NAALADL2: variants seen among roughly 807,000 people sequenced by gnomAD.
The protein encoded by NAALADL2 is N-acetylated alpha-linked acidic dipeptidase like 2.
In NAALADL2, 76 loss-of-function variants were observed where a neutral mutation model predicts 87.2. The observed-to-expected ratio is 0.87, with a 90% CI of 0.72 to 1.05. The LOEUF is 1.05. Ranked by LOEUF, NAALADL2 falls within the 50% of genes least tolerant of loss-of-function variation. NAALADL2 has a pLI of 0.00. For missense variants in NAALADL2, 1,089 were observed against 945.8 expected (o/e 1.15, Z -1.99); for synonymous variants, 354 against 331.0 (o/e 1.07, Z -0.75).
intron 3 of NAALADL2, among the ~76,000 whole-genome samples, chr3:174,836,894 A>T (rs1348601199): frequency 6.6e-6 from 1 of 152,146 alleles, no homozygotes; most frequent in Non-Finnish European, 1.5e-5. Context: ...AGAAGAAAAT[A>T]GGGAAATATT....
intron 3 of NAALADL2, among the ~76,000 whole-genome samples, chr3:174,810,523 G>C (rs1553862179): frequency 6.6e-6 from 1 of 151,740 alleles, no homozygotes; most frequent in Non-Finnish European, 1.5e-5. Flanking sequence ...TAGGGCATTT[G>C]GTGGAAGAAA....
intron 1 of NAALADL2, among the ~76,000 whole-genome samples, chr3:175,047,622 ACT>A (rs1754844958): frequency 6.6e-6 from 1 of 152,176 alleles, no homozygotes; most frequent in African/African-American, 2.4e-5. Context: ...ATGTACCCAA[ACT>A]CACTCTAAAG....
At chr3:174,922,800 G>A (rs1475826531) in intron 1 of NAALADL2, among the ~76,000 whole-genome samples, 1 of 152,048 alleles carries the variant, frequency 6.6e-6, no homozygotes, top group African/African-American at 2.4e-5. Context: ...GATGCTTTGT[G>A]GTTAGTCCAT....
Position 175,423,052 on chromosome 3 carries a change from T to TATATATA in NAALADL2, c.1091-24177_1091-24176insATATATA, listed in dbSNP as rs1491115866. ...AAATATATATATATATATATATATA[T>TATATATA]TTTTTTTTTTTCCTGAGTTGTAGAA... On this transcript the variant is annotated intron_variant, in intron 5 of 13. Coordinates refer to ENST00000454872, the MANE Select transcript of NAALADL2 (RefSeq NM_207015.3). Among the ~76,000 whole-genome samples the TATATATA allele has an allele frequency of 2.1e-3, 202 of 98,414 alleles. 1 individual carries two copies. Among genetic ancestry groups the TATATATA allele is most frequent in the East Asian group, 0.011 (31 of 2,934 alleles). The allele number at this position is 98,414 out of a possible 152,430, so 64.6% of individuals were successfully genotyped here.
intron 2 of NAALADL2, among the ~76,000 whole-genome samples, chr3:174,622,575 T>C (rs1721113554): frequency 6.6e-6 from 1 of 152,154 alleles, no homozygotes; most frequent in Non-Finnish European, 1.5e-5. Flanking sequence ...ACCAGAAGCC[T>C]TACTGCTAGC....
At chr3:175,756,421 C>T (rs1047664269) in intron 13 of NAALADL2, among the ~76,000 whole-genome samples, 1 of 152,104 alleles carries the variant, frequency 6.6e-6, no homozygotes, top group East Asian at 1.9e-4. Flanking sequence ...ATAGAATCAA[C>T]CTGAGTGTCT....
intron 1 of NAALADL2, among the ~76,000 whole-genome samples, chr3:174,996,917 A>G (rs532775240): frequency 2.0e-5 from 3 of 152,036 alleles, no homozygotes; most frequent in East Asian, 3.9e-4. Context: ...GCTACTTAGA[A>G]TAATGGCCTC....
intron 5 of NAALADL2, chr3:175,369,547 C>T (rs1283230372): frequency 2.0e-5 from 3 of 152,040 alleles, no homozygotes; most frequent in African/African-American, 2.4e-5. Flanking sequence ...ATACATGCTA[C>T]GTATGTATAC....
At chr3:174,443,821 A>G (rs1205961127) in intron 1 of NAALADL2, among the ~76,000 whole-genome samples, 1 of 144,852 alleles carries the variant, frequency 6.9e-6, no homozygotes, top group African/African-American at 2.4e-5. Context: ...GAAGTGTTTC[A>G]AGAAGTAGAG....
chr3:175,718,338 C>T, intron 11 of NAALADL2: 4 of 1,602,062 alleles, frequency 2.5e-6, no homozygotes, highest in Non-Finnish European at 1.7e-6. Flanking sequence ...TGAATTCTGC[C>T]ATTTTGCTAG....
chr3:174,781,446 G>T (rs769351284), intron 3 of NAALADL2, among the ~76,000 whole-genome samples: 52 of 151,408 alleles, frequency 3.4e-4, no homozygotes, highest in Middle Eastern at 3.4e-3. Flanking sequence ...CTACCTCAAA[G>T]TGATGGGGAG....
intron 6 of NAALADL2, among the ~76,000 whole-genome samples, chr3:175,454,403 A>T (rs1722026988): frequency 6.6e-6 from 1 of 152,086 alleles, no homozygotes. Context: ...AATGTCAGGT[A>T]ACTTTCTTTG....
chr3:174,622,415 C>A (rs1393204481), intron 2 of NAALADL2, among the ~76,000 whole-genome samples: 1 of 152,096 alleles, frequency 6.6e-6, no homozygotes, highest in Non-Finnish European at 1.5e-5. Flanking sequence ...AATACAAGAA[C>A]ATTATGTTTA....
intron 11 of NAALADL2, among the ~76,000 whole-genome samples, chr3:175,720,565 T>C (rs1277374897): frequency 6.6e-6 from 1 of 152,040 alleles, no homozygotes; most frequent in Non-Finnish European, 1.5e-5. Flanking sequence ...TAATGGCTGA[T>C]AATTTTCCAA....
intron 5 of NAALADL2, among the ~76,000 whole-genome samples, chr3:175,344,038 A>T (rs1762876265): frequency 6.6e-6 from 1 of 152,072 alleles, no homozygotes; most frequent in African/African-American, 2.4e-5. Flanking sequence ...CTGAAAAAAT[A>T]CTGGTTTAAT....
intron 2 of NAALADL2, among the ~76,000 whole-genome samples, chr3:175,224,491 A>C (rs772968515): frequency 5.9e-5 from 9 of 152,122 alleles, no homozygotes; most frequent in Non-Finnish European, 1.0e-4. Context: ...CTTAAACCAG[A>C]GGTTAAGCCC....
intron 13 of NAALADL2, among the ~76,000 whole-genome samples, chr3:175,792,888 T>C (rs1457537339): frequency 1.3e-5 from 2 of 152,154 alleles, no homozygotes; most frequent in Admixed American, 6.5e-5. Context: ...AGATGTGGCA[T>C]GTATAGATTT....
intron 3 of NAALADL2, among the ~76,000 whole-genome samples, chr3:174,817,566 C>T (rs947877686): frequency 6.6e-6 from 1 of 152,088 alleles, no homozygotes; most frequent in Non-Finnish European, 1.5e-5. Flanking sequence ...TGTACCACTG[C>T]ACTTCAGCCT....
At chr3:174,879,341 A>T (rs1387781898) in intron 1 of NAALADL2, among the ~76,000 whole-genome samples, 1 of 152,008 alleles carries the variant, frequency 6.6e-6, no homozygotes, top group South Asian at 2.1e-4. Context: ...TATCCCCTTC[A>T]TTGTAGATTG....
Sources: allele counts gnomAD v4.1 joint callset (sites outside exome capture counted in the v4.1 genomes callset), GRCh38; gene constraint gnomAD v4.1.1; transcripts MANE v1.5; gene names NCBI Gene and HGNC (gene_info 2026-07-23, HGNC 2026-07-21).